The following ABCC4 variants were observed in gnomAD, a reference collection of about 807,000 sequenced individuals.
ABCC4 encodes the protein ATP binding cassette subfamily C member 4 (PEL blood group).
A neutral mutation model predicts 168.5 loss-of-function variants in ABCC4; 102 were observed. The ratio of observed to expected loss-of-function variants is 0.61; its 90% CI spans 0.52 to 0.71. The LOEUF (loss-of-function observed/expected upper bound fraction) is 0.71, where lower values mean the gene tolerates loss of function less well. Among genes scored for constraint, ABCC4 ranks in the 30% least tolerant of loss-of-function variants. ABCC4 has a pLI of 0.00. For synonymous variants in ABCC4, 617 were observed against 590.7 expected (o/e 1.04, Z -0.65); for missense variants, 1,402 against 1,605.8 (o/e 0.87, Z 2.17).
intron 22 of ABCC4, among the ~76,000 whole-genome samples, 162 bp from the exon 23 acceptor site, chr13:95,074,486 A>G (rs780958001): frequency 3.9e-5 from 6 of 152,212 alleles, no homozygotes; most frequent in Non-Finnish European, 5.9e-5. Flanking sequence ...CAGGCAATAT[A>G]CGATACACAT....
intron 19 of ABCC4, among the ~76,000 whole-genome samples, chr13:95,143,080 T>C (rs1019766242): frequency 6.6e-6 from 1 of 152,094 alleles, no homozygotes; most frequent in African/African-American, 2.4e-5. Flanking sequence ...CTCACCTGGA[T>C]TGGTACATGT....
Position 95,141,436 on chromosome 13 carries a change from G to A in ABCC4, c.2455+19753C>T, listed in dbSNP as rs188950650. 4.1e-4 allele frequency among the ~76,000 whole-genome samples: 62 copies of A among 152,140 alleles called. No homozygotes were observed. The Middle Eastern group carries it at 0.01, about 25-fold the overall frequency. On this transcript the variant is annotated intron_variant, in intron 19 of 30. Transcript: ENST00000645237. ...GCAAAGAAAACGAAAAGCTTCAAAAGTCAAAGAATTTAAGAATCCTCTGAG... is the reference window on the plus strand; with the variant it reads ...GCAAAGAAAACGAAAAGCTTCAAAAATCAAAGAATTTAAGAATCCTCTGAG...
intron 27 of ABCC4, among the ~76,000 whole-genome samples, chr13:95,048,136 G>T (rs953344885): frequency 1.3e-5 from 2 of 152,108 alleles, no homozygotes; most frequent in African/African-American, 4.8e-5. Context: ...AAAAGAAACA[G>T]TCCTTATAAA....
chr13:95,161,394 T>C, intron 18 of ABCC4, 59 bp from the exon 19 acceptor site: 1 of 1,378,142 alleles, frequency 7.3e-7, no homozygotes, highest in South Asian at 1.8e-5. Context: ...TCTTCAATAG[T>C]TGCTAAAGCA....
chr13:95,030,006 T>TCCAA (rs1483294713), intron 30 of ABCC4, among the ~76,000 whole-genome samples: 1 of 151,048 alleles, frequency 6.6e-6, no homozygotes, highest in African/African-American at 2.4e-5. Flanking sequence ...CATCCATCCA[T>TCCAA]CCATCCATCC....
chr13:95,166,442 G>C, intron 14 of ABCC4, 75 bp from the exon 15 acceptor site: 1 of 1,279,464 alleles, frequency 7.8e-7, no homozygotes, highest in Non-Finnish European at 1.1e-6. Flanking sequence ...TTCTAATCCA[G>C]AAAAAGTAAC....
chr13:95,267,795 C>T (rs1363458119), intron 1 of ABCC4, among the ~76,000 whole-genome samples: 1 of 152,178 alleles, frequency 6.6e-6, no homozygotes, highest in East Asian at 1.9e-4. Context: ...AGGATGGGGG[C>T]TGTGCATATC....
chr13:95,154,655 T>C (rs1466302911), intron 19 of ABCC4, among the ~76,000 whole-genome samples: 2 of 152,230 alleles, frequency 1.3e-5, no homozygotes, highest in Admixed American at 6.5e-5. Context: ...AAACAACACC[T>C]ACCATAAATC....
At chr13:95,121,952 T>G (rs373693265) in intron 19 of ABCC4, among the ~76,000 whole-genome samples, 112 of 152,292 alleles carry the variant, frequency 7.4e-4, no homozygotes, top group African/African-American at 2.6e-3. Context: ...ACTCCTCATG[T>G]TAGAGATGTG....
chr13:95,055,271 C>T (rs2033010872), intron 26 of ABCC4, among the ~76,000 whole-genome samples: 1 of 152,214 alleles, frequency 6.6e-6, no homozygotes, highest in South Asian at 2.1e-4. Context: ...ATTATCAACT[C>T]TAAAATTCCA....
intron 13 of ABCC4, among the ~76,000 whole-genome samples, chr13:95,175,402 T>G (rs927808285): frequency 6.6e-6 from 1 of 152,102 alleles, no homozygotes; most frequent in Non-Finnish European, 1.5e-5. Context: ...AACCTCCACC[T>G]CCTGGGTTCA....
intron 19 of ABCC4, among the ~76,000 whole-genome samples, chr13:95,155,888 G>A (rs983230475): frequency 5.3e-5 from 8 of 152,096 alleles, no homozygotes; most frequent in African/African-American, 9.7e-5. Flanking sequence ...ACAACAAACC[G>A]CTCATCTTTT....
chr13:95,093,279 G>A (rs1408608154), intron 20 of ABCC4, among the ~76,000 whole-genome samples: 1 of 152,092 alleles, frequency 6.6e-6, no homozygotes, highest in Non-Finnish European at 1.5e-5. Flanking sequence ...GAACATAGAT[G>A]CTAAAATCCT....
At chr13:95,165,926 C>T (rs1012917810) in intron 15 of ABCC4, among the ~76,000 whole-genome samples, 2 of 152,204 alleles carry the variant, frequency 1.3e-5, no homozygotes, top group Admixed American at 1.3e-4. Flanking sequence ...CCAGCATACA[C>T]ACCCGCTACT....
chr13:95,247,152 G>C, intron 2 of ABCC4, 57 bp from the exon 3 acceptor site: 1 of 1,560,952 alleles, frequency 6.4e-7, no homozygotes, highest in Non-Finnish European at 8.7e-7. Flanking sequence ...ATATAAAACA[G>C]GGGAGATGGC....
At chr13:95,042,715 C>T (rs1433943378) in intron 29 of ABCC4, among the ~76,000 whole-genome samples, 2 of 152,218 alleles carry the variant, frequency 1.3e-5, no homozygotes, top group Non-Finnish European at 2.9e-5. Context: ...TTTATGTGGT[C>T]AGAAGCTGAT....
chr13:95,212,183 A>AAAAT (rs2038978909), intron 4 of ABCC4, among the ~76,000 whole-genome samples: 1 of 151,816 alleles, frequency 6.6e-6, no homozygotes, highest in Admixed American at 6.6e-5. Context: ...AAAAAAAAAA[A>AAAAT]AATTAAAAAA....
At chr13:95,150,209 C>G (rs1315718443) in intron 19 of ABCC4, among the ~76,000 whole-genome samples, 1 of 152,142 alleles carries the variant, frequency 6.6e-6, no homozygotes, top group Non-Finnish European at 1.5e-5. Context: ...AGCGATCCTC[C>G]TGCCTGAGCC....
Position 95,074,300 on chromosome 13 carries a change from G to A in ABCC4, c.2831C>T (p.Thr944Met), listed in dbSNP as rs750954023. 3.7e-6 allele frequency: 6 copies of A among 1,613,182 alleles called. No homozygotes were observed. The highest frequency in any genetic ancestry group is 2.2e-5 in the East Asian group (1 of 44,860). Reference protein sequence around the residue: ...HSEAWFLFLTTSRWFAVRLDA... With the variant: ...HSEAWFLFLTMSRWFAVRLDA... ...CAGACGGACGGCAAACCAGCGGGAC[G>A]TTGTCAAAAACAAGAACCAAGCCTC... The change falls in exon 23 of 31, where the codon ACG (threonine) becomes ATG (methionine). Residue 944 changes from threonine (T) to methionine (M), a missense_variant. Physicochemically the swap from Thr to Met is moderately conservative, Grantham distance 81. Coordinates refer to ENST00000645237, the MANE Select transcript of ABCC4 (RefSeq NM_005845.5).
Sources: allele counts gnomAD v4.1 joint callset (sites outside exome capture counted in the v4.1 genomes callset), GRCh38; gene constraint gnomAD v4.1.1; transcripts MANE v1.5; gene names NCBI Gene and HGNC (gene_info 2026-07-23, HGNC 2026-07-21).